Variants in ADGRL3 observed in about 807,000 individuals in gnomAD.
ADGRL3 encodes the protein adhesion G protein-coupled receptor L3.
ADGRL3 carries 62 observed loss-of-function variants against 153.5 expected under a neutral mutation model. The observed-to-expected ratio is 0.40, with a 90% CI of 0.33 to 0.50. The LOEUF (loss-of-function observed/expected upper bound fraction) is 0.50. ADGRL3 is among the 20% of genes least tolerant of loss of function. The pLI, the probability that ADGRL3 is intolerant of heterozygous loss-of-function variation, is 0.47. For synonymous variants in ADGRL3, 710 were observed against 672.5 expected, an observed-to-expected ratio of 1.06 and a Z score of -0.86; for missense variants, 1,641 against 1,859.4, an observed-to-expected ratio of 0.88 and a Z score of 2.16.
At chr4:61,613,048 C>T (rs187820050) in intron 5 of ADGRL3, among the ~76,000 whole-genome samples, 1 of 152,214 alleles carries the variant, frequency 6.6e-6, no homozygotes, top group African/African-American at 2.4e-5. Flanking sequence ...AGTAATTTAA[C>T]AGAAGTGTTA....
At chr4:61,827,206 C>T (rs2148813913) in intron 9 of ADGRL3, among the ~76,000 whole-genome samples, 1 of 152,276 alleles carries the variant, frequency 6.6e-6, no homozygotes, top group Non-Finnish European at 1.5e-5. Flanking sequence ...AACGGATAAC[C>T]AATGAAAAGA....
chr4:61,601,944 T>A (rs1293263795), intron 5 of ADGRL3, among the ~76,000 whole-genome samples: 2 of 152,212 alleles, frequency 1.3e-5, no homozygotes, highest in Non-Finnish European at 2.9e-5. Context: ...GTATTCTGCC[T>A]TCTGCGTGAT....
intron 1 of ADGRL3, among the ~76,000 whole-genome samples, chr4:61,266,931 A>G (rs1432012782): frequency 1.3e-5 from 2 of 151,688 alleles, no homozygotes; most frequent in Non-Finnish European, 3.0e-5. Flanking sequence ...GACTATCACT[A>G]ATCAATTTAT....
intron 8 of ADGRL3, among the ~76,000 whole-genome samples, chr4:61,746,674 A>T (rs2151989686): frequency 6.6e-6 from 1 of 152,352 alleles, no homozygotes; most frequent in East Asian, 1.9e-4. Flanking sequence ...ACAAAGAAAC[A>T]ACATACCAGA....
chr4:61,982,094 A>G (rs2099070395), intron 18 of ADGRL3, among the ~76,000 whole-genome samples: 1 of 152,150 alleles, frequency 6.6e-6, no homozygotes, highest in Non-Finnish European at 1.5e-5. Flanking sequence ...AGAATGTATC[A>G]TTTTATTCTC....
At chr4:62,015,452 A>G (rs574077682) in intron 21 of ADGRL3, among the ~76,000 whole-genome samples, 8 of 152,340 alleles carry the variant, frequency 5.3e-5, no homozygotes, top group Non-Finnish European at 1.0e-4. Flanking sequence ...ATAAAAAGGA[A>G]CAATTTATTA....
intron 21 of ADGRL3, among the ~76,000 whole-genome samples, chr4:62,007,217 C>T (rs757496358): frequency 5.3e-5 from 8 of 150,590 alleles, no homozygotes; most frequent in Non-Finnish European, 1.2e-4. Flanking sequence ...CTCAGAAGCC[C>T]CTTGCTGGTA....
chr4:61,955,486 A>G (rs1405667794), intron 17 of ADGRL3, among the ~76,000 whole-genome samples: 1 of 152,204 alleles, frequency 6.6e-6, no homozygotes, highest in African/African-American at 2.4e-5. Flanking sequence ...ATGACAGTTA[A>G]ACACAAAAAC....
chr4:61,732,007 T>C (rs1168740500), intron 7 of ADGRL3, among the ~76,000 whole-genome samples: 1 of 152,184 alleles, frequency 6.6e-6, no homozygotes, highest in Non-Finnish European at 1.5e-5. Flanking sequence ...AAAAGGTACA[T>C]GTTTTTAAGT....
intron 9 of ADGRL3, among the ~76,000 whole-genome samples, chr4:61,816,074 G>A (rs2097685627): frequency 6.6e-6 from 1 of 152,108 alleles, no homozygotes; most frequent in African/African-American, 2.4e-5. Flanking sequence ...TTAATTCATA[G>A]TAGAAGATTC....
chr4:61,361,135 A>G lies in ADGRL3; in HGVS notation c.-239-21989A>G, dbSNP rs79140763. Among the ~76,000 whole-genome samples, 562 of 152,306 alleles carry G rather than the reference A, an allele frequency of 3.7e-3. 5 individuals carry two copies. The highest frequency in any genetic ancestry group is 6.1e-3 in the Non-Finnish European group (415 of 68,022). ...TAGAATGCTGTGTGATGAGCATGCTATCAGCTGCGTGGGCTTGAATCCTTT... is the reference window on the plus strand; with the variant it reads ...TAGAATGCTGTGTGATGAGCATGCTGTCAGCTGCGTGGGCTTGAATCCTTT... On this transcript the variant is annotated intron_variant, in intron 1 of 26. Transcript: ENST00000683033.
chr4:61,219,638 A>G (rs192431220), intron 1 of ADGRL3, among the ~76,000 whole-genome samples: 4 of 152,214 alleles, frequency 2.6e-5, no homozygotes, highest in Non-Finnish European at 4.4e-5. Flanking sequence ...TGTATTGTTT[A>G]AGAACTTATG....
chr4:61,781,364 G>T (rs943790753), intron 8 of ADGRL3, among the ~76,000 whole-genome samples: 1 of 141,120 alleles, frequency 7.1e-6, no homozygotes. Context: ...AAAAGAAAAA[G>T]AAAAAAGAAA....
chr4:61,443,502 C>G (rs2097548692), intron 2 of ADGRL3, among the ~76,000 whole-genome samples: 2 of 151,880 alleles, frequency 1.3e-5, no homozygotes, highest in African/African-American at 2.4e-5. Context: ...AAAAAGAACC[C>G]ATAAAAATAT....
chr4:61,937,678 C>T (rs2098845031), intron 15 of ADGRL3, among the ~76,000 whole-genome samples: 1 of 152,068 alleles, frequency 6.6e-6, no homozygotes, highest in Non-Finnish European at 1.5e-5. Context: ...TGCCTAGTCT[C>T]CCTCCAGGCA....
intron 8 of ADGRL3, among the ~76,000 whole-genome samples, chr4:61,766,519 T>C (rs1037864334): frequency 5.9e-5 from 9 of 152,092 alleles, no homozygotes; most frequent in African/African-American, 2.2e-4. Context: ...AGTTGTTGTT[T>C]TGTAGAAGGT....
intron 8 of ADGRL3, among the ~76,000 whole-genome samples, chr4:61,782,894 C>T (rs181775114): frequency 2.3e-4 from 35 of 152,204 alleles, no homozygotes; most frequent in Middle Eastern, 3.4e-3. Context: ...TTAATTCAAG[C>T]ACTGGGAAAT....
intron 20 of ADGRL3, among the ~76,000 whole-genome samples, chr4:61,997,059 T>C (rs1001745712): frequency 6.6e-6 from 1 of 152,108 alleles, no homozygotes; most frequent in Non-Finnish European, 1.5e-5. Flanking sequence ...TTCTCTGAAA[T>C]CTTTGGGACA....
intron 2 of ADGRL3, among the ~76,000 whole-genome samples, chr4:61,493,183 A>T (rs1311072824): frequency 1.3e-5 from 2 of 152,194 alleles, no homozygotes; most frequent in Admixed American, 1.3e-4. Context: ...TTTATTATAT[A>T]TATCCTCTAA....
Sources: allele counts gnomAD v4.1 joint callset (sites outside exome capture counted in the v4.1 genomes callset), GRCh38; gene constraint gnomAD v4.1.1; transcripts MANE v1.5; gene names NCBI Gene and HGNC (gene_info 2026-07-23, HGNC 2026-07-21).